LAMA4: variants seen among roughly 807,000 people sequenced by gnomAD.
LAMA4 encodes the protein laminin subunit alpha-4.
In LAMA4, 127 loss-of-function variants were observed where a neutral mutation model predicts 207.1. The observed-to-expected ratio is 0.61, with a 90% CI of 0.53 to 0.71. The LOEUF is 0.71. LAMA4 is among the 30% of genes least tolerant of loss of function. LAMA4 has a pLI of 0.00. For synonymous variants in LAMA4, 761 were observed against 816.0 expected (o/e 0.93, Z 1.15); for missense variants, 2,093 against 2,246.5 (o/e 0.93, Z 1.38).
At chr6:112,127,227 A>G (rs995773924) in intron 31 of LAMA4, among the ~76,000 whole-genome samples, 7 of 152,144 alleles carry the variant, frequency 4.6e-5, no homozygotes, top group Admixed American at 3.3e-4. Context: ...AACATAATAA[A>G]GAAAGCATGC....
chr6:112,243,000 C>T (rs1786629270), intron 2 of LAMA4, among the ~76,000 whole-genome samples: 1 of 152,308 alleles, frequency 6.6e-6, no homozygotes, highest in East Asian at 1.9e-4. Flanking sequence ...AGTAGGTCTC[C>T]AGTCCCTGAT....
chr6:112,190,893 TTC>T (rs1419709352), intron 6 of LAMA4, among the ~76,000 whole-genome samples: 1 of 72,910 alleles, frequency 1.4e-5, no homozygotes, highest in Non-Finnish European at 2.7e-5. Flanking sequence ...CTTTCTTTCT[TTC>T]TTTCTTTCTT....
chr6:112,140,723 G>C (rs782042159), intron 22 of LAMA4, 37 bp downstream of exon 22: 2 of 1,596,924 alleles, frequency 1.3e-6, no homozygotes, highest in South Asian at 2.2e-5. Context: ...AATTACTGTA[G>C]ATTTGTAATA....
rs149514155 is a variant in LAMA4 at position 112,195,938 on chromosome 6, TACAC to T, written c.504-4092_504-4089del. Among the ~76,000 whole-genome samples, 660 of 147,418 alleles carry T rather than the reference TACAC, an allele frequency of 4.5e-3. 2 individuals are homozygous for T. The highest frequency in any genetic ancestry group is 0.015 in the African/African-American group (610 of 40,270). On this transcript the variant is annotated intron_variant, in intron 5 of 38. Transcript: ENST00000230538. Reference sequence around the variant, plus strand: ...TCCTCATCTTTTTAAATGAACTAAGTACACACACACACACACACACACACACACT... The same window carrying T: ...TCCTCATCTTTTTAAATGAACTAAGTACACACACACACACACACACACACT...
At chr6:112,229,825 G>C (rs1044253701) in intron 2 of LAMA4, among the ~76,000 whole-genome samples, 5 of 152,156 alleles carry the variant, frequency 3.3e-5, no homozygotes, top group Non-Finnish European at 5.9e-5. Context: ...AATTGATGGA[G>C]CATATTTTCA....
At chr6:112,210,190 A>G (rs1392402523) in intron 3 of LAMA4, among the ~76,000 whole-genome samples, 2 of 148,750 alleles carry the variant, frequency 1.3e-5, no homozygotes, top group African/African-American at 5.0e-5. Flanking sequence ...TAAATTACCC[A>G]TTCTCAGGTA....
At chr6:112,127,061 G>A (rs1778736101) in intron 31 of LAMA4, among the ~76,000 whole-genome samples, 1 of 152,028 alleles carries the variant, frequency 6.6e-6, no homozygotes, top group Non-Finnish European at 1.5e-5. Flanking sequence ...ATAATTTCAT[G>A]CATTAACTCA....
chr6:112,182,129 T>G (rs1782401070), intron 9 of LAMA4, among the ~76,000 whole-genome samples: 1 of 114,174 alleles, frequency 8.8e-6, no homozygotes, highest in African/African-American at 3.4e-5. Flanking sequence ...AATAAATAAA[T>G]AAATATTATA....
chr6:112,241,135 A>ATAT (rs1195523269), intron 2 of LAMA4, among the ~76,000 whole-genome samples: 2 of 102,558 alleles, frequency 2.0e-5, no homozygotes, highest in African/African-American at 3.4e-5. Flanking sequence ...ATGAATATAT[A>ATAT]GGAATATATA....
chr6:112,175,398 C>G lies in LAMA4; in HGVS notation c.1272G>C (p.Gln424His), dbSNP rs1554343338. ...KEISEKLVLA[Q>H]KMLEEIRSRQ... is the part of the protein sequence containing the mutation. ...GGCTTCTAATCTCTTCAAGCATCTT[C>G]TGGGCCAACACCAGCTTCTCAGAGA... The change falls in exon 11 of 39, where the codon CAG (glutamine) becomes CAC (histidine). Residue 424 changes from glutamine (Q) to histidine (H), a missense_variant. Physicochemically the swap from Gln to His is conservative, Grantham distance 24. Coordinates refer to ENST00000230538, the MANE Select transcript of LAMA4 (RefSeq NM_001105206.3). 3 of 1,614,212 alleles carry G rather than the reference C, an allele frequency of 1.9e-6. No homozygotes were observed. The highest frequency in any genetic ancestry group is 1.1e-5 in the South Asian group (1 of 91,088).
intron 37 of LAMA4, 136 bp from the exon 38 acceptor site, chr6:112,114,331 T>C (rs1450029846): frequency 5.8e-6 from 5 of 859,500 alleles, no homozygotes; most frequent in Non-Finnish European, 9.4e-6. Context: ...ATTATTAAAA[T>C]CATCAATGAT....
chr6:112,132,644 T>A (rs1554330193), intron 28 of LAMA4, 109 bp downstream of exon 28: 1 of 1,065,932 alleles, frequency 9.4e-7, no homozygotes, highest in Admixed American at 2.1e-5. Context: ...TACGTGTGAG[T>A]CAAAATTAAT....
intron 9 of LAMA4, among the ~76,000 whole-genome samples, chr6:112,184,581 T>C (rs1782573832): frequency 6.6e-6 from 1 of 152,208 alleles, no homozygotes; most frequent in Non-Finnish European, 1.5e-5. Context: ...AGTTGTTTTA[T>C]TGGATATTTG....
At position 112,118,245 on chromosome 6, in the gene LAMA4, A is replaced by AG. The variant is rs1326840735; in HGVS notation, c.4822-348dup. On this transcript the variant is annotated intron_variant, in intron 34 of 38. Transcript: ENST00000230538. The surrounding 1 kb of genome is among the most constrained non-coding windows in gnomAD (Gnocchi z 4.6). ...GTGCCAAGATCACCTAAGGCTGATG[A>AG]GGGCTAGCAAAGTTCTTTACTTAAA... 4.6e-5 allele frequency among the ~76,000 whole-genome samples: 7 copies of AG among 152,338 alleles called. No individual in the cohort carries two copies. Among genetic ancestry groups the AG allele is most frequent in the Admixed American group, 2.0e-4 (3 of 15,304 alleles).
At chr6:112,237,985 T>C (rs1786060576) in intron 2 of LAMA4, among the ~76,000 whole-genome samples, 1 of 152,244 alleles carries the variant, frequency 6.6e-6, no homozygotes, top group South Asian at 2.1e-4. Flanking sequence ...AAGTCTTTGA[T>C]GGATCCCTGT....
rs1779130152 is a variant in LAMA4 at position 112,133,003 on chromosome 6, T to C, written c.3697-113A>G. ...TGTTAATTTCTACGTAAATAGTTTA[T>C]TTTCCCACTTCTGGTCTATGTTGGA... is the stretch of plus-strand genomic sequence containing the variant. On this transcript the variant is annotated intron_variant, in intron 27 of 38. Coordinates refer to ENST00000230538, the MANE Select transcript of LAMA4 (RefSeq NM_001105206.3). 3.6e-6 allele frequency: 4 copies of C among 1,122,156 alleles called. No individual in the cohort carries two copies. In the Admixed American group the frequency reaches 5.4e-5, roughly 15 times the overall value. The allele number at this position is 1,122,156 out of a possible 1,614,324, so 69.5% of individuals were successfully genotyped here. A position where few individuals can be genotyped will look rare whatever the true frequency, so the allele number is the denominator to read the frequency against.
intron 17 of LAMA4, among the ~76,000 whole-genome samples, 196 bp from the exon 18 acceptor site, chr6:112,148,532 T>C (rs903647442): frequency 6.6e-6 from 1 of 152,202 alleles, no homozygotes; most frequent in Admixed American, 6.5e-5. Flanking sequence ...GAAGAGTAAT[T>C]GTATTTCCTA....
chr6:112,136,295 T>C (rs782355839), intron 24 of LAMA4, 41 bp from the exon 25 acceptor site: 3 of 1,530,738 alleles, frequency 2.0e-6, no homozygotes, highest in South Asian at 1.1e-5. Context: ...ACATCTGTTA[T>C]GCGAGTAGAG....
chr6:112,217,773 A>G (rs1290997657), intron 2 of LAMA4: 1 of 152,246 alleles, frequency 6.6e-6, no homozygotes, highest in Non-Finnish European at 1.5e-5. Flanking sequence ...GAGAAGATCA[A>G]TTTATAATTT....
Sources: allele counts gnomAD v4.1 joint callset (sites outside exome capture counted in the v4.1 genomes callset), GRCh38; gene constraint gnomAD v4.1.1; non-coding constraint Gnocchi (gnomAD v3.1); transcripts MANE v1.5; gene names NCBI Gene and HGNC (gene_info 2026-07-23, HGNC 2026-07-21).